The following ATP10B variants were observed in gnomAD, a reference collection of about 807,000 sequenced individuals.
The protein encoded by ATP10B is ATPase phospholipid transporting 10B (putative).
Under a neutral mutation model 141.2 loss-of-function variants are expected in ATP10B, and 122 were observed. The ratio of observed to expected loss-of-function variants is 0.86; its 90% CI spans 0.75 to 1.00. The LOEUF (loss-of-function observed/expected upper bound fraction) is 1.00. Ranked by LOEUF, ATP10B falls within the 50% of genes least tolerant of loss-of-function variation. The probability of loss-of-function intolerance (pLI) is 0.00; values close to 1 mark genes in which losing one functional copy is unlikely to be tolerated. For synonymous variants in ATP10B, 685 were observed against 692.0 expected (o/e 0.99, Z 0.16); for missense variants, 1,876 against 1,825.3 (o/e 1.03, Z -0.51).
chr5:160,617,746 A>G lies in ATP10B; in HGVS notation c.2526+118T>C, dbSNP rs2127644737. 3 of 901,144 alleles carry G rather than the reference A, an allele frequency of 3.3e-6. 1 individual carries two copies. In the South Asian group the frequency reaches 5.0e-5, roughly 15 times the overall value. 55.8% of individuals were successfully genotyped at this position (901,144 alleles called of 1,614,324 possible). ...TTTTTGTGGCAAGTCAGAACAGCTA[A>G]TCTTGAAAATGTTAAAACAACCACC... On this transcript the variant is annotated intron_variant, in intron 16 of 25. Coordinates refer to ENST00000327245, the MANE Select transcript of ATP10B (RefSeq NM_025153.3).
the ATP10B span, among the ~76,000 whole-genome samples, chr5:160,908,354 T>C: frequency 1.6e-3 from 240 of 152,218 alleles, 1 homozygote; most frequent in Non-Finnish European, 1.8e-3. Flanking sequence ...AAGATAATAA[T>C]TGATATTAGA....
chr5:160,693,474 G>T (rs1252629842), intron 3 of ATP10B, among the ~76,000 whole-genome samples: 1 of 147,888 alleles, frequency 6.8e-6, no homozygotes, highest in African/African-American at 2.5e-5. Flanking sequence ...AGTCAGGGAA[G>T]GGCTCGTGGG....
the ATP10B span, among the ~76,000 whole-genome samples, chr5:160,919,399 G>A: frequency 6.6e-6 from 1 of 151,854 alleles, no homozygotes; most frequent in Admixed American, 6.6e-5. Flanking sequence ...CTTGGAACCA[G>A]GACTCACACA....
intron 5 of ATP10B, among the ~76,000 whole-genome samples, 193 bp from the exon 6 acceptor site, chr5:160,686,466 G>A (rs375720032): frequency 1.3e-3 from 199 of 152,286 alleles, no homozygotes; most frequent in African/African-American, 4.7e-3. Flanking sequence ...TTGGGGAACA[G>A]GTGGTGTTTG....
chr5:160,687,628 G>A (rs985881726), intron 5 of ATP10B, among the ~76,000 whole-genome samples, 172 bp downstream of exon 5: 1 of 152,094 alleles, frequency 6.6e-6, no homozygotes, highest in Non-Finnish European at 1.5e-5. Flanking sequence ...TGCCGGGCAT[G>A]GTGGTGCACG....
At position 160,634,598 on chromosome 5, in the gene ATP10B, G is replaced by C; in HGVS notation, c.1137C>G (p.Ile379Met). ...CAATGGAGACATACAAAGAGATGGG[G>C]ATCAGCACCTGAAAAGAGATGAGTT... Reference protein sequence around the residue: ...LTMIILLQVLIPISLYVSIEL... With the variant: ...LTMIILLQVLMPISLYVSIEL... Residue 379 changes from isoleucine (I) to methionine (M), a missense_variant, in exon 12 of 26, where the codon ATC becomes ATG. Transcript: ENST00000327245. 1 of 1,607,622 alleles carries C rather than the reference G, an allele frequency of 6.2e-7. No homozygotes were observed.
intron 1 of ATP10B, among the ~76,000 whole-genome samples, chr5:160,831,782 A>G (rs1442902182): frequency 1.3e-5 from 2 of 152,126 alleles, no homozygotes; most frequent in African/African-American, 2.4e-5. Flanking sequence ...AAAGAACAAA[A>G]TTGTTTACAG....
chr5:160,709,796 T>C (rs540047488), intron 3 of ATP10B, among the ~76,000 whole-genome samples: 4 of 117,898 alleles, frequency 3.4e-5, no homozygotes, highest in African/African-American at 1.3e-4. Flanking sequence ...GAGTGTGATA[T>C]TCCCCTTCCT....
intron 25 of ATP10B, 117 bp downstream of exon 25, chr5:160,569,379 A>G: frequency 2.0e-6 from 2 of 982,316 alleles, no homozygotes; most frequent in Non-Finnish European, 3.0e-6. Flanking sequence ...CTGTTTCTGA[A>G]ACATTAGCCT....
the ATP10B span, among the ~76,000 whole-genome samples, chr5:160,894,214 T>C: frequency 6.6e-6 from 1 of 151,870 alleles, no homozygotes; most frequent in African/African-American, 2.4e-5. Flanking sequence ...AATGAGCCTG[T>C]TGGAAGCAGG....
intron 6 of ATP10B, among the ~76,000 whole-genome samples, chr5:160,684,442 G>A (rs1408796856): frequency 6.6e-6 from 1 of 152,202 alleles, no homozygotes; most frequent in Non-Finnish European, 1.5e-5. Flanking sequence ...TGTGTCTCCT[G>A]TTGTGCTTCT....
chr5:160,905,160 T>C, the ATP10B span, among the ~76,000 whole-genome samples: 1 of 152,206 alleles, frequency 6.6e-6, no homozygotes, highest in Non-Finnish European at 1.5e-5. Context: ...AAGCTGAGGC[T>C]CAGGGAGTTT....
At chr5:160,847,068 T>G (rs893062458) in intron 1 of ATP10B, among the ~76,000 whole-genome samples, 1 of 152,170 alleles carries the variant, frequency 6.6e-6, no homozygotes. Context: ...GGTAGAAACA[T>G]TTTATCCTCA....
At chr5:160,615,167 T>C (rs1039802632) in intron 17 of ATP10B, among the ~76,000 whole-genome samples, 5 of 152,172 alleles carry the variant, frequency 3.3e-5, no homozygotes, top group Admixed American at 6.5e-5. Flanking sequence ...TAGCAGCTGA[T>C]TGACATGACC....
chr5:160,573,228 C>A (rs929470332), intron 24 of ATP10B, among the ~76,000 whole-genome samples: 3 of 152,152 alleles, frequency 2.0e-5, no homozygotes, highest in Non-Finnish European at 4.4e-5. Context: ...TTCATTCAGC[C>A]ATGTGAGTGA....
intron 5 of ATP10B, 63 bp downstream of exon 5, chr5:160,687,737 C>T (rs1226803605): frequency 6.5e-6 from 10 of 1,546,950 alleles, no homozygotes; most frequent in Non-Finnish European, 7.9e-6. Flanking sequence ...TATACTCCAG[C>T]CTGGGGAACA....
intron 2 of ATP10B, among the ~76,000 whole-genome samples, chr5:160,784,263 A>C (rs1020074178): frequency 6.6e-6 from 1 of 152,120 alleles, no homozygotes; most frequent in African/African-American, 2.4e-5. Flanking sequence ...GCACAAAGCA[A>C]TTGCCTATAC....
At chr5:160,717,062 T>C (rs1233196491) in intron 2 of ATP10B, 28 bp from the exon 3 acceptor site, 1 of 984,468 alleles carries the variant, frequency 1.0e-6, no homozygotes, top group Non-Finnish European at 1.2e-6. Context: ...AAATATTGAG[T>C]AGGCAACTAA....
chr5:160,855,767 A>T (rs1305269621), upstream of ATP10B, among the ~76,000 whole-genome samples: 1 of 151,514 alleles, frequency 6.6e-6, no homozygotes, highest in Non-Finnish European at 1.5e-5. Flanking sequence ...AATTTTGTGT[A>T]AACTGTAATG....
Sources: allele counts gnomAD v4.1 joint callset (sites outside exome capture counted in the v4.1 genomes callset), GRCh38; gene constraint gnomAD v4.1.1; transcripts MANE v1.5; gene names NCBI Gene and HGNC (gene_info 2026-07-23, HGNC 2026-07-21).